The following PRKAR1B variants were observed in gnomAD, a reference collection of about 807,000 sequenced individuals.
The protein encoded by PRKAR1B is protein kinase cAMP-dependent type I regulatory subunit beta.
PRKAR1B carries 22 observed loss-of-function variants against 46.5 expected under a neutral mutation model. The observed-to-expected ratio is 0.47, with a 90% CI of 0.34 to 0.68. The LOEUF (loss-of-function observed/expected upper bound fraction) is 0.68. Among genes scored for constraint, PRKAR1B ranks in the 30% least tolerant of loss-of-function variants. The probability of loss-of-function intolerance (pLI) is 0.01; values close to 1 mark genes in which losing one functional copy is unlikely to be tolerated. For synonymous variants in PRKAR1B, 259 were observed against 217.7 expected, an observed-to-expected ratio of 1.19 and a Z score of -1.67; for missense variants, 445 against 535.6, an observed-to-expected ratio of 0.83 and a Z score of 1.67.
chr7:578,981 C>G lies in PRKAR1B; in HGVS notation c.891+275G>C. ...ACAGGCGTGAGCCGCCGCGCCCGGC[C>G]AGTTTCATGCAGTTTTATCACACGT... is the stretch of plus-strand genomic sequence containing the variant. On this transcript the variant is annotated intron_variant, in intron 9 of 10. Coordinates refer to ENST00000537384, the MANE Select transcript of PRKAR1B (RefSeq NM_001164760.2). The G allele has an allele frequency of 4.7e-6, 6 of 1,278,806 alleles. No individual in the cohort carries two copies. In the South Asian group the frequency reaches 9.2e-5, roughly 20 times the overall value. The allele number at this position is 1,278,806 out of a possible 1,614,324, so 79.2% of individuals were successfully genotyped here.
At chr7:682,046 G>A (rs1199023781) in intron 2 of PRKAR1B, among the ~76,000 whole-genome samples, 1 of 152,024 alleles carries the variant, frequency 6.6e-6, no homozygotes, top group East Asian at 1.9e-4. Flanking sequence ...AGGGGAGGGA[G>A]GGAGGAAGGA....
intron 9 of PRKAR1B, among the ~76,000 whole-genome samples, chr7:564,637 T>G (rs1416669524): frequency 5.9e-5 from 9 of 152,202 alleles, no homozygotes; most frequent in Non-Finnish European, 1.3e-4. Flanking sequence ...TTCCTAGGCC[T>G]CTTCCCGCAG....
rs1583348137 is a variant in PRKAR1B, at chr7:644,275, G to A, written c.440+32954C>T. On this transcript the variant is annotated intron_variant, in intron 4 of 10. Transcript: ENST00000537384. This position sits in a 1 kb window ranked among gnomAD's most constrained non-coding sequence, Gnocchi z 4.9. ...AAGGCATCGTTGAAATGTCCGTGAT[G>A]CTCTTAAAATCCTGCTGGAATCACT... Among the ~76,000 whole-genome samples the A allele has an allele frequency of 1.3e-5, 2 of 152,246 alleles. No homozygotes were observed. The highest frequency in any genetic ancestry group is 3.9e-4 in the East Asian group (2 of 5,168).
chr7:584,598 G>C (rs1780493207), intron 7 of PRKAR1B, 30 bp from the exon 8 acceptor site: 6 of 1,581,434 alleles, frequency 3.8e-6, no homozygotes, highest in Non-Finnish European at 5.2e-6. Context: ...AAACAGACAA[G>C]AAGGTGAATC....
At chr7:609,147 C>T (rs371562826) in intron 4 of PRKAR1B, among the ~76,000 whole-genome samples, 1 of 152,156 alleles carries the variant, frequency 6.6e-6, no homozygotes. Context: ...GCCCCAGTCC[C>T]GGGCACCTGG....
chr7:604,082 G>A (rs1314307921), intron 6 of PRKAR1B, among the ~76,000 whole-genome samples: 1 of 152,178 alleles, frequency 6.6e-6, no homozygotes, highest in Non-Finnish European at 1.5e-5. Flanking sequence ...GATCAGCCCT[G>A]CCCCATCTGC....
At chr7:712,940 G>C (rs1780739313) in intron 1 of PRKAR1B, 1 of 152,418 alleles carries the variant, frequency 6.6e-6, no homozygotes, top group African/African-American at 2.4e-5. Flanking sequence ...AGCGGCCAGA[G>C]AGGGTGGCCA....
At chr7:583,842 ACACT>A (rs1317927364) in intron 8 of PRKAR1B, among the ~76,000 whole-genome samples, 2 of 152,000 alleles carry the variant, frequency 1.3e-5, no homozygotes, top group East Asian at 1.9e-4. Context: ...CCCCATGTGC[ACACT>A]CACCCCCACA....
rs1491312186 is a variant in PRKAR1B, at chr7:685,327, CGT to C, written c.178-4603_178-4602del. ...ATATACGTATATATACGTATATATA[CGT>C]ATATATACGTATATATATGTATACA... On this transcript the variant is annotated intron_variant, in intron 2 of 10. Coordinates refer to ENST00000537384, the MANE Select transcript of PRKAR1B (RefSeq NM_001164760.2). Among the ~76,000 whole-genome samples, 15 of 50,818 alleles carry C rather than the reference CGT, an allele frequency of 3.0e-4. 1 individual carries two copies. Among genetic ancestry groups the C allele is most frequent in the African/African-American group, 1.2e-3 (13 of 10,652 alleles). The allele number at this position is 50,818 out of a possible 152,430, so 33.3% of individuals were successfully genotyped here.
chr7:633,048 C>T (rs75601591), intron 4 of PRKAR1B, among the ~76,000 whole-genome samples: 2,302 of 152,348 alleles, frequency 0.015, 26 homozygotes, highest in African/African-American at 0.018. Context: ...CATGTCGTGC[C>T]GACGCCATGC....
chr7:680,852 T>A (rs956627521), intron 2 of PRKAR1B, 126 bp from the exon 3 acceptor site: 1 of 1,112,518 alleles, frequency 9.0e-7, no homozygotes, highest in African/African-American at 1.6e-5. Flanking sequence ...ACTCAGGAGT[T>A]GGACATACGG....
chr7:685,363 T>TATATATACGTATATATAC lies in PRKAR1B; in HGVS notation c.178-4638_178-4637insGTATATATACGTATATAT, dbSNP rs1220199272. Among the ~76,000 whole-genome samples, 35 of 53,876 alleles carry TATATATACGTATATATAC rather than the reference T, an allele frequency of 6.5e-4. 1 individual carries two copies. Among genetic ancestry groups the TATATATACGTATATATAC allele is most frequent in the African/African-American group, 3.0e-3 (35 of 11,698 alleles). The allele number at this position is 53,876 out of a possible 152,430, so 35.3% of individuals were successfully genotyped here. A position where few individuals can be genotyped will look rare whatever the true frequency, so the allele number is the denominator to read the frequency against. On this transcript the variant is annotated intron_variant, in intron 2 of 10. Transcript: ENST00000537384. ...GTATATATATGTATACATATATATA[T>TATATATACGTATATATAC]ACACATATATATATATACATACATA...
intron 8 of PRKAR1B, among the ~76,000 whole-genome samples, chr7:581,426 A>AT (rs1323664667): frequency 2.0e-5 from 3 of 152,004 alleles, no homozygotes; most frequent in Admixed American, 6.6e-5. Context: ...GATGCAGGTG[A>AT]TTTTTTAGAG....
At chr7:702,709 G>A (rs1445166740) in intron 2 of PRKAR1B, among the ~76,000 whole-genome samples, 5 of 152,202 alleles carry the variant, frequency 3.3e-5, no homozygotes, top group Admixed American at 3.3e-4. Context: ...TGTAGTCCCA[G>A]CTACTCGGGA....
intron 2 of PRKAR1B, among the ~76,000 whole-genome samples, chr7:705,328 G>GAA (rs375633603): frequency 7.4e-6 from 1 of 134,238 alleles, no homozygotes; most frequent in Admixed American, 7.5e-5. Context: ...AAAGAAAAAA[G>GAA]AAAAAAAAAA....
chr7:659,055 C>T (rs763348687), intron 4 of PRKAR1B, among the ~76,000 whole-genome samples: 16 of 149,986 alleles, frequency 1.1e-4, no homozygotes, highest in Non-Finnish European at 2.2e-4. Context: ...ACACACACAG[C>T]ACAGACACTC....
intron 4 of PRKAR1B, among the ~76,000 whole-genome samples, chr7:608,750 G>A (rs1782283080): frequency 8.8e-6 from 1 of 113,384 alleles, no homozygotes; most frequent in Non-Finnish European, 1.8e-5. Flanking sequence ...CAGGGCTGTA[G>A]GGAAGGCTGG....
At chr7:576,394 G>C (rs549814456) in intron 9 of PRKAR1B, among the ~76,000 whole-genome samples, 1 of 152,154 alleles carries the variant, frequency 6.6e-6, no homozygotes, top group African/African-American at 2.4e-5. Flanking sequence ...ACTGTTGAAC[G>C]AGTCCTCTAC....
chr7:570,769 C>T (rs1197809024), intron 9 of PRKAR1B, among the ~76,000 whole-genome samples: 1 of 152,156 alleles, frequency 6.6e-6, no homozygotes, highest in Non-Finnish European at 1.5e-5. Context: ...CGGAGCCCCC[C>T]AGACTCACCC....
Sources: allele counts gnomAD v4.1 joint callset (sites outside exome capture counted in the v4.1 genomes callset), GRCh38; gene constraint gnomAD v4.1.1; non-coding constraint Gnocchi (gnomAD v3.1); transcripts MANE v1.5; gene names NCBI Gene and HGNC (gene_info 2026-07-23, HGNC 2026-07-21).